Variants in XKR3 observed in about 807,000 individuals in gnomAD.
XKR3 encodes XK-related protein 3.
Under a neutral mutation model 40.3 loss-of-function variants are expected in XKR3, and 27 were observed. The observed-to-expected ratio is 0.67, with a 90% confidence interval of 0.49 to 0.92. XKR3 has a LOEUF of 0.92. Among genes scored for constraint, XKR3 ranks in the 40% least tolerant of loss-of-function variants. The pLI is 0.00. For synonymous variants in XKR3, 193 were observed against 195.4 expected, an observed-to-expected ratio of 0.99 and a Z score of 0.10; for missense variants, 472 against 537.6, an observed-to-expected ratio of 0.88 and a Z score of 1.21.
At chr22:16,795,087 A>G (rs1421829064) in intron 3 of XKR3, among the ~76,000 whole-genome samples, 20 of 152,332 alleles carry the variant, frequency 1.3e-4, no homozygotes, top group African/African-American at 4.6e-4. Context: ...ATGCCACCCA[A>G]CAAATGAAGA....
intron 1 of XKR3, among the ~76,000 whole-genome samples, chr22:16,815,077 A>G (rs2060227648): frequency 6.6e-6 from 1 of 151,970 alleles, no homozygotes; most frequent in South Asian, 2.1e-4. Context: ...ATTAAGTTTC[A>G]TGTTAGATTT....
intron 1 of XKR3, among the ~76,000 whole-genome samples, chr22:16,823,314 G>A (rs945710622): frequency 6.6e-6 from 1 of 152,206 alleles, no homozygotes; most frequent in African/African-American, 2.4e-5. Flanking sequence ...AGGAAGAAGA[G>A]TTCGTGGTAC....
At chr22:16,791,545 T>TAA (rs59823117) in intron 3 of XKR3, among the ~76,000 whole-genome samples, 2,419 of 141,634 alleles carry the variant, frequency 0.017, 69 homozygotes, top group African/African-American at 0.058. Context: ...CTTACCAAAA[T>TAA]AAAAAAAAAA....
intron 1 of XKR3, among the ~76,000 whole-genome samples, chr22:16,815,888 A>T (rs1181539834): frequency 1.3e-5 from 2 of 151,664 alleles, no homozygotes; most frequent in Non-Finnish European, 3.0e-5. Flanking sequence ...TATCTTTAAA[A>T]TTTTTTCACA....
At chr22:16,787,154 C>A (rs2060094139) in intron 3 of XKR3, among the ~76,000 whole-genome samples, 1 of 151,268 alleles carries the variant, frequency 6.6e-6, no homozygotes, top group African/African-American at 2.4e-5. Flanking sequence ...AGCAGAAAAA[C>A]TCAAGGACAG....
intron 1 of XKR3, 134 bp from the exon 2 acceptor site, chr22:16,808,217 A>C: frequency 1.6e-6 from 1 of 610,824 alleles, no homozygotes; most frequent in Non-Finnish European, 2.7e-6. Flanking sequence ...ACTAATCAGA[A>C]TAGAAAAATC....
At position 16,783,930 on chromosome 22, in the gene XKR3, T is replaced by C. The variant is rs1366601424; in HGVS notation, c.1069A>G (p.Ile357Val). Residue 357 changes from isoleucine to valine, a missense_variant, in exon 4 of 4, where the codon ATA becomes GTA. Physicochemically the swap from Ile to Val is conservative, Grantham distance 29. Coordinates refer to ENST00000684488, the MANE Select transcript of XKR3 (RefSeq NM_001386955.1). ...AAGAACCTAAATACCAATATCATTA[T>C]CACATTTTCTAAAAACTGAAAGCTG... ...HYSFQFLENVIMILVFRFFGG... is the reference protein window; with the variant it reads ...HYSFQFLENVVMILVFRFFGG... The C allele has an allele frequency of 1.9e-6, 3 of 1,614,102 alleles. No individual in the cohort carries two copies. Among genetic ancestry groups the C allele is most frequent in the East Asian group, 2.2e-5 (1 of 44,898 alleles).
rs1201993037 is a variant in XKR3, at chr22:16,787,190, GA to G, written c.590-2782del. 2.1e-4 allele frequency among the ~76,000 whole-genome samples: 31 copies of G among 146,658 alleles called. No individual in the cohort carries two copies. The South Asian group carries it at 3.9e-3, about 18-fold the overall frequency. On this transcript the variant is annotated intron_variant, in intron 3 of 3. Coordinates refer to ENST00000684488, the MANE Select transcript of XKR3 (RefSeq NM_001386955.1). The stretch of plus-strand genomic sequence containing the variant: ...ATCAATTAAAAATATACAGTCAGAA[GA>G]AAAAAAAAAGAAATCTAGAAAGTTC...
chr22:16,818,334 G>A (rs1317714041), intron 1 of XKR3, among the ~76,000 whole-genome samples: 1 of 151,394 alleles, frequency 6.6e-6, no homozygotes, highest in Non-Finnish European at 1.5e-5. Context: ...GACTCTGAAA[G>A]GTCTTGTCTA....
At position 16,784,184 on chromosome 22, in the gene XKR3, T is replaced by C; in HGVS notation, c.815A>G (p.Tyr272Cys). The change falls in exon 4 of 4, where the codon TAT (tyrosine) becomes TGT (cysteine). Residue 272 changes from tyrosine to cysteine, a missense_variant. Physicochemically the swap from Tyr to Cys is radical, Grantham distance 194 (BLOSUM62 -2). Transcript: ENST00000684488. ...CCACGGTGCCAACAATGATACAAAATATATGATTAACAAAACGGGTAGGCT... is the reference window on the plus strand; with the variant it reads ...CCACGGTGCCAACAATGATACAAAACATATGATTAACAAAACGGGTAGGCT... ...LKSLPVLLII[Y>C]FVSLLAPWLE... The C allele has an allele frequency of 6.2e-7, 1 of 1,614,208 alleles. No homozygotes were observed. The highest frequency in any genetic ancestry group is 1.1e-5 in the South Asian group (1 of 91,082).
intron 1 of XKR3, among the ~76,000 whole-genome samples, chr22:16,819,876 T>C (rs1409722749): frequency 6.6e-6 from 1 of 152,100 alleles, no homozygotes; most frequent in African/African-American, 2.4e-5. Context: ...TTACTATACC[T>C]AGGTAAAAAT....
chr22:16,823,410 G>C (rs1424665036), intron 1 of XKR3, among the ~76,000 whole-genome samples: 3 of 152,138 alleles, frequency 2.0e-5, no homozygotes, highest in Non-Finnish European at 4.4e-5. Flanking sequence ...GAATTGACAG[G>C]ACTCACTGAT....
In XKR3 at chr22:16,799,413, C is replaced by CAAAAAAAAAAAAAAAAAAAA. The variant is rs528071823; in HGVS notation, c.589+338_589+357dup. 1.2e-3 allele frequency among the ~76,000 whole-genome samples: 38 copies of CAAAAAAAAAAAAAAAAAAAA among 32,538 alleles called. 3 individuals are homozygous for CAAAAAAAAAAAAAAAAAAAA. Among genetic ancestry groups the CAAAAAAAAAAAAAAAAAAAA allele is most frequent in the African/African-American group, 1.5e-3 (10 of 6,490 alleles). 21.3% of individuals were successfully genotyped at this position (32,538 alleles called of 152,430 possible). On this transcript the variant is annotated intron_variant, in intron 3 of 3. Transcript: ENST00000684488. Reference sequence around the variant, plus strand: ...TGGGCGACAAAGTGAGACTATGTCTCAAAAAAAAAAAAAAAAAAAAAGCAA... The same window carrying CAAAAAAAAAAAAAAAAAAAA: ...TGGGCGACAAAGTGAGACTATGTCTCAAAAAAAAAAAAAAAAAAAAAAAAAAAAAAAAAAAAAAAAAGCAA...
At chr22:16,787,009 A>G (rs780362108) in intron 3 of XKR3, among the ~76,000 whole-genome samples, 148 of 152,292 alleles carry the variant, frequency 9.7e-4, no homozygotes, top group Admixed American at 1.8e-3. Flanking sequence ...GGAAAACACA[A>G]ACAATTCAGA....
At chr22:16,814,300 C>T (rs2060224537) in intron 1 of XKR3, among the ~76,000 whole-genome samples, 1 of 152,110 alleles carries the variant, frequency 6.6e-6, no homozygotes, top group Non-Finnish European at 1.5e-5. Flanking sequence ...ATTTACTTAT[C>T]TTGGTACCTT....
At chr22:16,798,554 A>G (rs1282542331) in intron 3 of XKR3, among the ~76,000 whole-genome samples, 1 of 152,220 alleles carries the variant, frequency 6.6e-6, no homozygotes. Flanking sequence ...TCACCATAGC[A>G]AAGACATGGG....
At chr22:16,817,846 A>G (rs572012791) in intron 1 of XKR3, among the ~76,000 whole-genome samples, 2 of 152,318 alleles carry the variant, frequency 1.3e-5, no homozygotes, top group Non-Finnish European at 2.9e-5. Flanking sequence ...ACTAGAAACA[A>G]GTGCTTGATT....
intron 1 of XKR3, among the ~76,000 whole-genome samples, chr22:16,817,903 A>G (rs561654557): frequency 6.6e-6 from 1 of 152,302 alleles, no homozygotes; most frequent in Admixed American, 6.5e-5. Context: ...ATGAAAAGCC[A>G]TTATTACTAT....
chr22:16,809,696 C>T (rs551173965), intron 1 of XKR3, among the ~76,000 whole-genome samples: 105 of 152,304 alleles, frequency 6.9e-4, no homozygotes, highest in African/African-American at 2.0e-3. Context: ...TCATCCCCAA[C>T]GGTCCACCAA....
Sources: allele counts gnomAD v4.1 joint callset (sites outside exome capture counted in the v4.1 genomes callset), GRCh38; gene constraint gnomAD v4.1.1; transcripts MANE v1.5; gene names NCBI Gene and HGNC (gene_info 2026-07-23, HGNC 2026-07-21).